The following HMCN1 variants were observed in gnomAD, a reference collection of about 807,000 sequenced individuals.
HMCN1 encodes the protein hemicentin 1, also known as hemicentin-1.
Under a neutral mutation model 625.9 loss-of-function variants are expected in HMCN1, and 321 were observed. The ratio of observed to expected loss-of-function variants is 0.51; its 90% CI spans 0.47 to 0.56. The LOEUF is 0.56. HMCN1 is among the 20% of genes least tolerant of loss of function. The pLI, the probability that HMCN1 is intolerant of heterozygous loss-of-function variation, is 0.00. For synonymous variants in HMCN1, 2,425 were observed against 2,417.6 expected (o/e 1.00, Z -0.09); for missense variants, 6,588 against 6,887.3 (o/e 0.96, Z 1.54).
rs551662059 is a variant in HMCN1, at chr1:185,915,250, G to C, written c.900+3470G>C. On this transcript the variant is annotated intron_variant, in intron 6 of 106. Transcript: ENST00000271588. The stretch of plus-strand genomic sequence containing the variant: ...TTTATTAAAAACAGAAGAGAAGATT[G>C]TTTTATGCTCCTAAATTTCCATTTG... Among the ~76,000 whole-genome samples the C allele has an allele frequency of 2.0e-5, 3 of 152,146 alleles. No individual in the cohort carries two copies. The South Asian group carries it at 6.2e-4, about 32-fold the overall frequency.
At chr1:185,984,024 C>T (rs893986761) in intron 18 of HMCN1, 145 bp from the exon 19 acceptor site, 5 of 637,706 alleles carry the variant, frequency 7.8e-6, no homozygotes, top group Admixed American at 2.8e-5. Flanking sequence ...CATTTATGCT[C>T]ATCGTTCTTC....
rs1294846324 is a variant in HMCN1, at chr1:185,951,147, T to TG, written c.1829-11365dup. ...GGTATCTTATACTTGTGGGTTAAGG[T>TG]GGGGGGATACAAGAGGAGGACGCAA... is the stretch of plus-strand genomic sequence containing the variant. On this transcript the variant is annotated intron_variant, in intron 11 of 106. Coordinates refer to ENST00000271588, the MANE Select transcript of HMCN1 (RefSeq NM_031935.3). Among the ~76,000 whole-genome samples, 120 of 150,148 alleles carry TG rather than the reference T, an allele frequency of 8.0e-4. 1 individual carries two copies. Among genetic ancestry groups the TG allele is most frequent in the African/African-American group, 2.9e-3 (116 of 40,328 alleles).
rs192614506 is a variant in HMCN1, at chr1:185,819,980, T to A, written c.269-26046T>A. Among the ~76,000 whole-genome samples the A allele has an allele frequency of 7.6e-4, 115 of 152,062 alleles. 1 individual carries two copies. Among genetic ancestry groups the A allele is most frequent in the South Asian group, 4.2e-4 (2 of 4,816 alleles). On this transcript the variant is annotated intron_variant, in intron 1 of 106. Transcript: ENST00000271588. The stretch of plus-strand genomic sequence containing the variant: ...GAAGAAAAAGAAAGCCTAGAGAAGG[T>A]GCAGGAAATAGATAAAGTGAGTAGC...
rs1663300528 is a variant in HMCN1, at chr1:185,867,135, A to G, written c.621+1272A>G. 2.0e-5 allele frequency among the ~76,000 whole-genome samples: 3 copies of G among 152,244 alleles called. No individual in the cohort carries two copies. In the South Asian group the frequency reaches 6.2e-4, roughly 31 times the overall value. ...ATCTAGCGAAAAATTTTTTTAATCA[A>G]CATATTGAAATAGATAGATTTATAA... On this transcript the variant is annotated intron_variant, in intron 4 of 106. Transcript: ENST00000271588.
intron 6 of HMCN1, among the ~76,000 whole-genome samples, chr1:185,920,056 A>C (rs938577738): frequency 6.6e-6 from 1 of 152,250 alleles, no homozygotes; most frequent in African/African-American, 2.4e-5. Flanking sequence ...AATAGATATC[A>C]AACTATTGGC....
chr1:185,970,459 A>G lies in HMCN1; in HGVS notation c.2337A>G (p.Gly779=). The part of the protein sequence containing the change: ...DYTCVAINEA[G]RATGKITLDV... ...CCTGTGTAGCCATCAATGAGGCTGG[A>G]AGAGCAACTGGCAAGATAACTCTGG... Residue 779 remains glycine, a synonymous_variant, in exon 15 of 107, where the codon GGA becomes GGG. Transcript: ENST00000271588. 6.2e-7 allele frequency: 1 copy of G among 1,613,984 alleles called. No individual in the cohort carries two copies. Among genetic ancestry groups the G allele is most frequent in the Non-Finnish European group, 8.5e-7 (1 of 1,179,856 alleles).
chr1:186,183,911 T>G (rs1653106191), intron 105 of HMCN1, among the ~76,000 whole-genome samples: 1 of 152,082 alleles, frequency 6.6e-6, no homozygotes, highest in Non-Finnish European at 1.5e-5. Flanking sequence ...ATGCCCACAC[T>G]AAAACCACAC....
intron 4 of HMCN1, among the ~76,000 whole-genome samples, chr1:185,894,379 A>G (rs1270952884): frequency 6.6e-6 from 1 of 152,110 alleles, no homozygotes; most frequent in East Asian, 1.9e-4. Context: ...ACCACAGTCT[A>G]TTTCTCCATT....
chr1:185,783,950 G>A (rs1440493744), intron 1 of HMCN1, among the ~76,000 whole-genome samples: 1 of 152,246 alleles, frequency 6.6e-6, no homozygotes, highest in Non-Finnish European at 1.5e-5. Context: ...CAGAGGTAGA[G>A]TCTACAGAGG....
At chr1:186,182,488 A>G (rs938864140) in intron 105 of HMCN1, among the ~76,000 whole-genome samples, 2 of 152,190 alleles carry the variant, frequency 1.3e-5, no homozygotes, top group Admixed American at 6.6e-5. Flanking sequence ...TAGCTGAGAA[A>G]CATTTTTGGT....
chr1:186,165,303 A>G, intron 98 of HMCN1, 130 bp downstream of exon 98: 1 of 828,286 alleles, frequency 1.2e-6, no homozygotes. Context: ...ATCCCATTTG[A>G]CAGCTAAGGA....
intron 93 of HMCN1, among the ~76,000 whole-genome samples, chr1:186,148,460 G>A (rs138143845): frequency 6.6e-6 from 1 of 152,222 alleles, no homozygotes; most frequent in East Asian, 1.9e-4. Context: ...ACTTTGCCCA[G>A]ATCCATCAAA....
intron 20 of HMCN1, 120 bp downstream of exon 20, chr1:185,987,664 A>AGGATTTCCTATGT (rs984432229): frequency 1.8e-5 from 14 of 776,798 alleles, no homozygotes; most frequent in Non-Finnish European, 2.8e-5. Flanking sequence ...AAGTTAATAA[A>AGGATTTCCTATGT]GGATTTCCTA....
intron 36 of HMCN1, among the ~76,000 whole-genome samples, chr1:186,028,671 T>A (rs1385215170): frequency 6.6e-6 from 1 of 152,136 alleles, no homozygotes; most frequent in Non-Finnish European, 1.5e-5. Flanking sequence ...AGGCCTTTAG[T>A]CATTAGCTTT....
chr1:186,053,923 T>C lies in HMCN1; in HGVS notation c.6799T>C (p.Tyr2267His), dbSNP rs778970710. Reference protein sequence around the residue: ...SIAEKSDAALYSCVASNVAGT... With the variant: ...SIAEKSDAALHSCVASNVAGT... ...TGCTGAAAAGTCTGATGCAGCACTC[T>C]ATTCATGTGTGGCGTCGAATGTTGC... is the stretch of plus-strand genomic sequence containing the variant. The change falls in exon 44 of 107, where the codon TAT becomes CAT. Residue 2267 changes from tyrosine to histidine, a missense_variant. Physicochemically the swap from Tyr to His is moderately conservative, Grantham distance 83 (BLOSUM62 2). Coordinates refer to ENST00000271588, the MANE Select transcript of HMCN1 (RefSeq NM_031935.3). 6 of 1,612,796 alleles carry C rather than the reference T, an allele frequency of 3.7e-6. No homozygotes were observed. The Admixed American group carries it at 5.0e-5, about 13-fold the overall frequency.
At chr1:186,017,278 C>T (rs568028308) in intron 33 of HMCN1, among the ~76,000 whole-genome samples, 1 of 152,054 alleles carries the variant, frequency 6.6e-6, no homozygotes, top group South Asian at 2.1e-4. Context: ...AGAGGAATTC[C>T]ATTGTATGGA....
In HMCN1 at chr1:186,093,178, C is replaced by T. The variant is rs1378373453; in HGVS notation, c.9932C>T (p.Thr3311Ile). The part of the protein sequence containing the change: ...GSTLNIYGAL[T>I]SDTGKYTCVA... ...ACATTAAACATTTATGGAGCTCTTA[C>T]ATCTGACACGGGGAAATACACATGT... The change falls in exon 65 of 107, where the codon ACA becomes ATA. Residue 3311 changes from threonine (T) to isoleucine (I), a missense_variant. By Grantham distance (89) the Thr-to-Ile change is moderately conservative (BLOSUM62 -1). Around this residue, in one of 3 missense-constraint regions of HMCN1, gnomAD observed 4,628 missense variants for 4,853.1 expected, o/e 0.95. Coordinates refer to ENST00000271588, the MANE Select transcript of HMCN1 (RefSeq NM_031935.3). 11 of 1,613,252 alleles carry T rather than the reference C, an allele frequency of 6.8e-6. No homozygotes were observed. Among genetic ancestry groups the T allele is most frequent in the East Asian group, 4.5e-5 (2 of 44,844 alleles).
At chr1:185,755,766 A>T (rs1314267462) in intron 1 of HMCN1, among the ~76,000 whole-genome samples, 1 of 152,048 alleles carries the variant, frequency 6.6e-6, no homozygotes, top group African/African-American at 2.4e-5. Context: ...TTTCTCTGGG[A>T]TGGGGTGGGG....
intron 90 of HMCN1, 30 bp downstream of exon 90, chr1:186,144,373 T>G: frequency 6.2e-7 from 1 of 1,608,814 alleles, no homozygotes; most frequent in Non-Finnish European, 8.5e-7. Context: ...TATACCTTAA[T>G]AAATTAACAT....
Sources: allele counts gnomAD v4.1 joint callset (sites outside exome capture counted in the v4.1 genomes callset), GRCh38; gene constraint gnomAD v4.1.1; regional missense constraint gnomAD v4.1.1; transcripts MANE v1.5; gene names NCBI Gene and HGNC (gene_info 2026-07-23, HGNC 2026-07-21).